HNRNPDL: variants seen among roughly 807,000 people sequenced by gnomAD.
HNRNPDL encodes heterogeneous nuclear ribonucleoprotein D like.
HNRNPDL carries 18 observed loss-of-function variants against 48.0 expected under a neutral mutation model. The ratio of observed to expected loss-of-function variants is 0.38; its 90% confidence interval spans 0.26 to 0.56. The LOEUF (loss-of-function observed/expected upper bound fraction) is 0.56. HNRNPDL is among the 20% of genes least tolerant of loss of function. The probability of loss-of-function intolerance (pLI) is 0.77; values close to 1 mark genes in which losing one functional copy is unlikely to be tolerated. For synonymous variants in HNRNPDL, 306 were observed against 207.3 expected, an observed-to-expected ratio of 1.48 and a Z score of -4.09; for missense variants, 553 against 540.7, an observed-to-expected ratio of 1.02 and a Z score of -0.23.
At chr4:82,427,703 G>T in intron 3 of HNRNPDL, 139 bp from the exon 4 acceptor site, 1 of 764,722 alleles carries the variant, frequency 1.3e-6, no homozygotes, top group Non-Finnish European at 2.2e-6. Context: ...ACTGCTTTAT[G>T]ATCAACATCA....
In HNRNPDL at chr4:82,428,066, C is replaced by G. The variant is rs1382748480; in HGVS notation, c.726G>C (p.Pro242=). 1 of 1,614,104 alleles carries G rather than the reference C, an allele frequency of 6.2e-7. No homozygotes were observed. The highest frequency in any genetic ancestry group is 8.5e-7 in the Non-Finnish European group (1 of 1,179,990). The change falls in exon 3 of 8, where the codon CCG becomes CCC. Residue 242 remains proline, a synonymous_variant. Coordinates refer to ENST00000295470, the MANE Select transcript of HNRNPDL (RefSeq NM_031372.4). ...PKKVFVGGLS[P]DTSEEQIKEY... Reference sequence around the variant, plus strand: ...CTTTAATTTGTTCTTCAGAAGTATCCGGGCTCAATCCACCCACAAAAACCT... The same window carrying G: ...CTTTAATTTGTTCTTCAGAAGTATCGGGGCTCAATCCACCCACAAAAACCT...
chr4:82,428,234 G>A (rs1721500778), intron 2 of HNRNPDL, 44 bp downstream of exon 2: 1 of 1,607,144 alleles, frequency 6.2e-7, no homozygotes. Flanking sequence ...AGAAAAATTT[G>A]CAAAACACCA....
In HNRNPDL at chr4:82,429,654, G is replaced by T; in HGVS notation, c.37C>A (p.Pro13Thr). 7.3e-7 allele frequency: 1 copy of T among 1,367,372 alleles called. No homozygotes were observed. Among genetic ancestry groups the T allele is most frequent in the Non-Finnish European group, 9.4e-7 (1 of 1,061,282 alleles). 84.7% of individuals were successfully genotyped at this position (1,367,372 alleles called of 1,614,324 possible). ...VPPRLSHVPP[P>T]LFPSAPATLA... ...GTAGCGGGAGCGGAGGGGAACAATG[G>T]CGGCGGCACATGGGAAAGCCTGGGC... Residue 13 changes from proline to threonine, a missense_variant, in exon 1 of 8, where the codon CCA (proline) becomes ACA (threonine). Coordinates refer to ENST00000295470, the MANE Select transcript of HNRNPDL (RefSeq NM_031372.4).
At chr4:82,428,629 G>A (rs1305566984) in intron 1 of HNRNPDL, among the ~76,000 whole-genome samples, 183 bp from the exon 2 acceptor site, 1 of 152,144 alleles carries the variant, frequency 6.6e-6, no homozygotes, top group African/African-American at 2.4e-5. Context: ...ACTCAAACCA[G>A]CGGACAGCTC....
At chr4:82,429,176 G>A (rs1325488247) in intron 1 of HNRNPDL, 72 bp downstream of exon 1, 51 of 1,379,172 alleles carry the variant, frequency 3.7e-5, no homozygotes, top group Non-Finnish European at 5.0e-5. Context: ...GGGGCAGCGC[G>A]CGGCTCACGA....
chr4:82,427,604 T>A, intron 3 of HNRNPDL, 40 bp from the exon 4 acceptor site: 1 of 1,595,200 alleles, frequency 6.3e-7, no homozygotes, highest in Non-Finnish European at 8.5e-7. Flanking sequence ...CCCATAATTG[T>A]AAAACGTTAC....
rs140163739 is a variant in HNRNPDL, at chr4:82,429,375, G to C, written c.316C>G (p.Arg106Gly). 6.8e-6 allele frequency: 11 copies of C among 1,613,574 alleles called. No individual in the cohort carries two copies. Among genetic ancestry groups the C allele is most frequent in the African/African-American group, 4.0e-5 (3 of 74,994 alleles). Residue 106 changes from arginine (R) to glycine (G), a missense_variant, in exon 1 of 8, where the codon CGG (arginine) becomes GGG (glycine). Physicochemically the swap from Arg to Gly is moderately radical, Grantham distance 125 (BLOSUM62 -2). Coordinates refer to ENST00000295470, the MANE Select transcript of HNRNPDL (RefSeq NM_031372.4). ...GCAGGGGGGTGCTGGCGCGCAGTCC[G>C]GGTCGCGGCAGCAGCGGCGGCGGAG... ...QRSAAAAAAT[R>G]TARQHPPADS...
rs766107454 is a variant in HNRNPDL, at chr4:82,429,440, T to G, written c.251A>C (p.Asp84Ala). 1 of 1,609,620 alleles carries G rather than the reference T, an allele frequency of 6.2e-7. No individual in the cohort carries two copies. Among genetic ancestry groups the G allele is most frequent in the Non-Finnish European group, 8.5e-7 (1 of 1,178,418 alleles). The change falls in exon 1 of 8, where the codon GAT becomes GCT. Residue 84 changes from aspartate (D) to alanine (A), a missense_variant. Coordinates refer to ENST00000295470, the MANE Select transcript of HNRNPDL (RefSeq NM_031372.4). ...GGATTTAAAATGGCGGCGGAAGAGA[T>G]CCGGGCGCCGCCTGCGCCCTCCCTT... ...AIKGGRRRRPDLFRRHFKSSS... is the reference protein window; with the variant it reads ...AIKGGRRRRPALFRRHFKSSS...
Position 82,429,554 on chromosome 4 carries a change from G to C in HNRNPDL, c.137C>G (p.Ala46Gly). ...RQLAPLLPSL[A>G]PSSARQGARR... ...CGCCCCCTGCCGGGCGGAGCTGGGA[G>C]CGAGCGAAGGGAGGAGCGGGGCTAG... is the stretch of plus-strand genomic sequence containing the variant. The change falls in exon 1 of 8, where the codon GCT (alanine) becomes GGT (glycine). Residue 46 changes from alanine to glycine, a missense_variant. By Grantham distance (60) the Ala-to-Gly change is moderately conservative. Coordinates refer to ENST00000295470, the MANE Select transcript of HNRNPDL (RefSeq NM_031372.4). The C allele has an allele frequency of 6.9e-7, 1 of 1,454,614 alleles. No individual in the cohort carries two copies. The highest frequency in any genetic ancestry group is 9.0e-7 in the Non-Finnish European group (1 of 1,107,922). The allele number at this position is 1,454,614 out of a possible 1,614,324, so 90.1% of individuals were successfully genotyped here.
rs921825556 is a variant in HNRNPDL at position 82,429,405 on chromosome 4, G to C, written c.286C>G (p.Gln96Glu). 6.2e-7 allele frequency: 1 copy of C among 1,613,408 alleles called. No individual in the cohort carries two copies. The highest frequency in any genetic ancestry group is 2.2e-5 in the East Asian group (1 of 44,790). ...FRRHFKSSSIQRSAAAAAATR... is the reference protein window; with the variant it reads ...FRRHFKSSSIERSAAAAAATR... Reference sequence around the variant, plus strand: ...GCGGCAGCAGCGGCGGCGGAGCGTTGTATGGAGCTGGATTTAAAATGGCGG... The same window carrying C: ...GCGGCAGCAGCGGCGGCGGAGCGTTCTATGGAGCTGGATTTAAAATGGCGG... Residue 96 changes from glutamine to glutamate, a missense_variant, in exon 1 of 8, where the codon CAA becomes GAA. This residue lies in a region of HNRNPDL where 327 missense variants were observed against 203.2 expected (regional missense o/e 1.61). Coordinates refer to ENST00000295470, the MANE Select transcript of HNRNPDL (RefSeq NM_031372.4).
In HNRNPDL at chr4:82,429,514, G is replaced by T. The variant is rs749962540; in HGVS notation, c.177C>A (p.Arg59=). The T allele has an allele frequency of 1.3e-6, 2 of 1,513,384 alleles. No individual in the cohort carries two copies. The highest frequency in any genetic ancestry group is 4.5e-5 in the Admixed American group (2 of 44,592). The allele number at this position is 1,513,384 out of a possible 1,614,324, so 93.7% of individuals were successfully genotyped here. Residue 59 remains arginine (R), a synonymous_variant, in exon 1 of 8, where the codon CGC becomes CGA. Transcript: ENST00000295470. Reference sequence around the variant, plus strand: ...GGGAGGGCTGCTGGGCGGTGACGTGGCGCTGGGCCCGGCGCGCCCCCTGCC... The same window carrying T: ...GGGAGGGCTGCTGGGCGGTGACGTGTCGCTGGGCCCGGCGCGCCCCCTGCC... ...SARQGARRAQ[R]HVTAQQPSRL... is the part of the protein sequence containing the mutation.
intron 1 of HNRNPDL, among the ~76,000 whole-genome samples, chr4:82,428,730 T>G (rs1195054675): frequency 1.3e-5 from 2 of 152,222 alleles, no homozygotes; most frequent in Non-Finnish European, 2.9e-5. Context: ...AAGGCACAAC[T>G]TCCTAGATGA....
chr4:82,425,393 G>C (rs1401967581), intron 7 of HNRNPDL: 1 of 152,224 alleles, frequency 6.6e-6, no homozygotes, highest in East Asian at 1.9e-4. Context: ...CTAAACAGAA[G>C]ACCAAAATGA....
rs1721314495 is a variant in HNRNPDL, at chr4:82,424,095, C to T, written c.*811G>A. 1 of 152,214 alleles carries T rather than the reference C, an allele frequency of 6.6e-6. No homozygotes were observed. The highest frequency in any genetic ancestry group is 6.5e-5 in the Admixed American group (1 of 15,272). The allele number at this position is 152,214 out of a possible 1,614,324, so 9.4% of individuals were successfully genotyped here. A position where few individuals can be genotyped will look rare whatever the true frequency, so the allele number is the denominator to read the frequency against. ...TTCTACCAAAATCCTTGAGTTGTAA[C>T]TACTTCCAATGCTCTTAAACCATAG... On this transcript the variant is annotated 3_prime_UTR_variant, in exon 8 of 8. Coordinates refer to ENST00000295470, the MANE Select transcript of HNRNPDL (RefSeq NM_031372.4).
At position 82,428,694 on chromosome 4, in the gene HNRNPDL, G is replaced by A. The variant is rs571789956; in HGVS notation, c.444-248C>T. ...AAAGAGACCAATAAAATACAGTAAAGGTTCTGCCCAGATTCCTTTAGGTAG... is the reference window on the plus strand; with the variant it reads ...AAAGAGACCAATAAAATACAGTAAAAGTTCTGCCCAGATTCCTTTAGGTAG... On this transcript the variant is annotated intron_variant, in intron 1 of 7. Transcript: ENST00000295470. Among the ~76,000 whole-genome samples, 47 of 152,306 alleles carry A rather than the reference G, an allele frequency of 3.1e-4. 1 individual carries two copies. In the South Asian group the frequency reaches 9.5e-3, roughly 31 times the overall value.
intron 1 of HNRNPDL, 30 bp from the exon 2 acceptor site, chr4:82,428,476 T>C: frequency 1.3e-6 from 2 of 1,514,916 alleles, no homozygotes; most frequent in South Asian, 1.2e-5. Flanking sequence ...TAAAAAAAAT[T>C]AACAATAACT....
chr4:82,429,513 G>A lies in HNRNPDL; in HGVS notation c.178C>T (p.His60Tyr), dbSNP rs988284711. 27 of 1,515,916 alleles carry A rather than the reference G, an allele frequency of 1.8e-5. No homozygotes were observed. The highest frequency in any genetic ancestry group is 4.3e-5 in the African/African-American group (3 of 69,978). 93.9% of individuals were successfully genotyped at this position (1,515,916 alleles called of 1,614,324 possible). Residue 60 changes from histidine to tyrosine, a missense_variant, in exon 1 of 8, where the codon CAC becomes TAC. Coordinates refer to ENST00000295470, the MANE Select transcript of HNRNPDL (RefSeq NM_031372.4). The stretch of plus-strand genomic sequence containing the variant: ...CGGGAGGGCTGCTGGGCGGTGACGT[G>A]GCGCTGGGCCCGGCGCGCCCCCTGC... ...ARQGARRAQR[H>Y]VTAQQPSRLA...
chr4:82,427,042 CCA>C, intron 5 of HNRNPDL, 146 bp downstream of exon 5: 1 of 713,200 alleles, frequency 1.4e-6, no homozygotes, highest in Non-Finnish European at 2.5e-6. Context: ...CAAAAAACCA[CCA>C]CACACAACCT....
At chr4:82,428,870 C>A (rs770240671) in intron 1 of HNRNPDL, among the ~76,000 whole-genome samples, 15 of 152,234 alleles carry the variant, frequency 9.9e-5, no homozygotes, top group Non-Finnish European at 1.8e-4. Context: ...TGTGCCCCAA[C>A]TCAGTCCTCT....
Sources: allele counts gnomAD v4.1 joint callset (sites outside exome capture counted in the v4.1 genomes callset), GRCh38; gene constraint gnomAD v4.1.1; regional missense constraint gnomAD v4.1.1; transcripts MANE v1.5; gene names NCBI Gene and HGNC (gene_info 2026-07-23, HGNC 2026-07-21).